Variants in CACNG2 observed in about 807,000 individuals in gnomAD.
CACNG2 encodes the protein calcium voltage-gated channel auxiliary subunit gamma 2, also known as voltage-dependent calcium channel gamma-2 subunit.
Under a neutral mutation model 25.9 loss-of-function variants are expected in CACNG2, and 3 were observed. The observed-to-expected ratio is 0.12, with a 90% CI of 0.05 to 0.30. CACNG2 has a LOEUF of 0.30. Among genes scored for constraint, CACNG2 ranks in the 10% least tolerant of loss-of-function variants. The probability of loss-of-function intolerance (pLI) is 1.00; values close to 1 mark genes in which losing one functional copy is unlikely to be tolerated. For synonymous variants in CACNG2, 167 were observed against 173.3 expected (o/e 0.96, Z 0.29); for missense variants, 341 against 432.5 (o/e 0.79, Z 1.88).
intron 1 of CACNG2, among the ~76,000 whole-genome samples, chr22:36,692,447 C>T (rs1937278037): frequency 6.6e-6 from 1 of 152,162 alleles, no homozygotes; most frequent in Non-Finnish European, 1.5e-5. Flanking sequence ...TGACTGCTTC[C>T]CAGCAGGCAG....
At chr22:36,590,169 C>T (rs998946769) in intron 1 of CACNG2, among the ~76,000 whole-genome samples, 5 of 152,180 alleles carry the variant, frequency 3.3e-5, no homozygotes, top group Admixed American at 3.3e-4. Context: ...AGCCTAGTTG[C>T]TCCTTGTGTG....
chr22:36,592,603 AT>A (rs1273614741), intron 1 of CACNG2, among the ~76,000 whole-genome samples: 1 of 152,236 alleles, frequency 6.6e-6, no homozygotes, highest in Non-Finnish European at 1.5e-5. Flanking sequence ...AGTGCAAATG[AT>A]TCATCAAATT....
At chr22:36,631,788 C>G (rs1218687279) in intron 1 of CACNG2, among the ~76,000 whole-genome samples, 1 of 148,424 alleles carries the variant, frequency 6.7e-6, no homozygotes, top group Non-Finnish European at 1.5e-5. Flanking sequence ...GTTTTCTTAC[C>G]TGCAACTCAA....
chr22:36,701,158 C>T (rs1937406892), intron 1 of CACNG2, among the ~76,000 whole-genome samples: 3 of 152,172 alleles, frequency 2.0e-5, no homozygotes, highest in African/African-American at 4.8e-5. Flanking sequence ...CTGCCTCAAA[C>T]GGCCCCCAGT....
At chr22:36,621,282 C>T (rs953828268) in intron 1 of CACNG2, among the ~76,000 whole-genome samples, 12 of 152,078 alleles carry the variant, frequency 7.9e-5, no homozygotes, top group East Asian at 1.9e-4. Context: ...CCGAGGCGGG[C>T]GAATCACCTG....
At position 36,606,188 on chromosome 22, in the gene CACNG2, T is replaced by C. The variant is rs376986569; in HGVS notation, c.212-18640A>G. On this transcript the variant is annotated intron_variant, in intron 1 of 3. Transcript: ENST00000300105. This position sits in a 1 kb window ranked among gnomAD's most constrained non-coding sequence, Gnocchi z 5.7. ...CAGAGAAGGGATCAATACAGACGGA[T>C]TCCCCGTCCCCCAGAGCTGAGTCTT... Among the ~76,000 whole-genome samples, 1 of 152,192 alleles carries C rather than the reference T, an allele frequency of 6.6e-6. No individual in the cohort carries two copies. Among genetic ancestry groups the C allele is most frequent in the Non-Finnish European group, 1.5e-5 (1 of 68,028 alleles).
intron 1 of CACNG2, among the ~76,000 whole-genome samples, chr22:36,669,941 G>C (rs1294325411): frequency 6.6e-6 from 1 of 152,132 alleles, no homozygotes; most frequent in Non-Finnish European, 1.5e-5. Context: ...TCAAACTCCT[G>C]ACCTCAAGAT....
In CACNG2 at chr22:36,703,656, A is replaced by G. The variant is rs1937445309; in HGVS notation, c.-1080T>C. The G allele has an allele frequency of 1.3e-5, 2 of 152,076 alleles. No individual in the cohort carries two copies. Among genetic ancestry groups the G allele is most frequent in the Non-Finnish European group, 2.9e-5 (2 of 68,022 alleles). 9.4% of individuals were successfully genotyped at this position (152,076 alleles called of 1,614,324 possible). A position where few individuals can be genotyped will look rare whatever the true frequency, so the allele number is the denominator to read the frequency against. On this transcript the variant is annotated 5_prime_UTR_variant, in exon 1 of 4. Transcript: ENST00000300105. ...CCCCGGGGCAGCAAGGCCAGCGCAGAGCGGGGGCCGCCTTTCCTCTTTTTA... is the reference window on the plus strand; with the variant it reads ...CCCCGGGGCAGCAAGGCCAGCGCAGGGCGGGGGCCGCCTTTCCTCTTTTTA...
intron 1 of CACNG2, among the ~76,000 whole-genome samples, chr22:36,664,976 G>A (rs1027957823): frequency 6.6e-6 from 1 of 152,166 alleles, no homozygotes; most frequent in African/African-American, 2.4e-5. Flanking sequence ...GGCCAGGCTG[G>A]TGCCCAGAGG....
At chr22:36,657,804 G>T (rs1265173997) in intron 1 of CACNG2, among the ~76,000 whole-genome samples, 1 of 152,106 alleles carries the variant, frequency 6.6e-6, no homozygotes, top group Admixed American at 6.5e-5. Flanking sequence ...GAGGCTTGTA[G>T]TTCCAGAATA....
At chr22:36,604,812 C>T (rs1292365583) in intron 1 of CACNG2, among the ~76,000 whole-genome samples, 4 of 152,184 alleles carry the variant, frequency 2.6e-5, no homozygotes, top group African/African-American at 7.2e-5. Context: ...GAATCTCACT[C>T]GGTCACCCAG....
intron 1 of CACNG2, among the ~76,000 whole-genome samples, chr22:36,684,707 C>T (rs1389371732): frequency 6.6e-6 from 1 of 152,028 alleles, no homozygotes. Flanking sequence ...TGAGCCTTCA[C>T]TCAGTATGCA....
At chr22:36,669,068 G>T (rs1375941695) in intron 1 of CACNG2, among the ~76,000 whole-genome samples, 1 of 151,990 alleles carries the variant, frequency 6.6e-6, no homozygotes, top group Admixed American at 6.5e-5. Context: ...TTCTACCAGC[G>T]ATCTGGGTTT....
chr22:36,631,745 T>TTA (rs1936275973), intron 1 of CACNG2, among the ~76,000 whole-genome samples: 5 of 151,728 alleles, frequency 3.3e-5, no homozygotes, highest in Non-Finnish European at 7.4e-5. Flanking sequence ...CTCTTTTTTT[T>TTA]TTTTTTTTTA....
intron 2 of CACNG2, among the ~76,000 whole-genome samples, chr22:36,582,690 C>T (rs1055359780): frequency 6.6e-6 from 1 of 150,918 alleles, no homozygotes; most frequent in African/African-American, 2.4e-5. Context: ...ATTACAGGCA[C>T]CCGCCACCAC....
chr22:36,639,979 C>A (rs1936418657), intron 1 of CACNG2, among the ~76,000 whole-genome samples: 1 of 152,164 alleles, frequency 6.6e-6, no homozygotes, highest in African/African-American at 2.4e-5. Context: ...CAATGGGAGT[C>A]AGTTTCAGTG....
intron 1 of CACNG2, among the ~76,000 whole-genome samples, chr22:36,654,072 A>C (rs1936667646): frequency 2.0e-5 from 3 of 151,694 alleles, no homozygotes; most frequent in Admixed American, 2.0e-4. Flanking sequence ...ATTTCAGAAC[A>C]AAAAAAGGAA....
intron 1 of CACNG2, among the ~76,000 whole-genome samples, chr22:36,662,453 A>C (rs1409890436): frequency 1.3e-5 from 2 of 151,840 alleles, no homozygotes; most frequent in Non-Finnish European, 2.9e-5. Context: ...TCTGCCACCC[A>C]CCCACACATT....
At chr22:36,651,276 T>C (rs1936611537) in intron 1 of CACNG2, among the ~76,000 whole-genome samples, 1 of 136,230 alleles carries the variant, frequency 7.3e-6, no homozygotes, top group Non-Finnish European at 1.5e-5. Flanking sequence ...TTGCCCAGGC[T>C]GGAGTGTAGT....
Sources: allele counts gnomAD v4.1 joint callset (sites outside exome capture counted in the v4.1 genomes callset), GRCh38; gene constraint gnomAD v4.1.1; non-coding constraint Gnocchi (gnomAD v3.1); transcripts MANE v1.5; gene names NCBI Gene and HGNC (gene_info 2026-07-23, HGNC 2026-07-21).